PCDH11Y: variants seen among roughly 807,000 people sequenced by gnomAD.
PCDH11Y encodes protocadherin-11 Y-linked.
For missense variants in PCDH11Y, 12 were observed against 224.8 expected (o/e 0.05, Z 6.05); for synonymous variants, 9 against 83.6 (o/e 0.11, Z 4.87).
intron 1 of PCDH11Y, among the ~76,000 whole-genome samples, chrY:5,070,179 G>C (rs2052697709): frequency 3.0e-5 from 1 of 32,956 alleles, no homozygotes. Flanking sequence ...TGACTTAAAT[G>C]CCTGTATCCT....
chrY:5,737,905 G>A, exon 5 of PCDH11Y: 1 of 399,379 alleles, frequency 2.5e-6, no homozygotes, highest in South Asian at 3.0e-5. Flanking sequence ...AGACCGTCCA[G>A]AGGTGATTCC....
intron 2 of PCDH11Y, among the ~76,000 whole-genome samples, chrY:5,277,598 T>G: frequency 2.9e-5 from 1 of 34,062 alleles, no homozygotes; most frequent in African/African-American, 1.1e-4. Context: ...ATTTAATAAA[T>G]GTTCATTGAA....
intron 2 of PCDH11Y, among the ~76,000 whole-genome samples, chrY:5,423,235 C>T (rs2124679713): frequency 1.3e-4 from 4 of 31,711 alleles, no homozygotes; most frequent in African/African-American, 3.7e-4. Flanking sequence ...CACTTCTCAC[C>T]GATTCGAAAG....
At chrY:5,223,796 T>G in intron 2 of PCDH11Y, among the ~76,000 whole-genome samples, 1 of 33,054 alleles carries the variant, frequency 3.0e-5, no homozygotes, top group Non-Finnish European at 7.4e-5. Context: ...ACAGTAACAT[T>G]TCAGTTAACT....
At chrY:5,167,236 T>TA in intron 2 of PCDH11Y, among the ~76,000 whole-genome samples, 1 of 24,094 alleles carries the variant, frequency 4.2e-5, no homozygotes, top group Non-Finnish European at 9.7e-5. Flanking sequence ...ATCTTTAATC[T>TA]ATCAGTTAGT....
intron 2 of PCDH11Y, among the ~76,000 whole-genome samples, chrY:5,164,341 T>C: frequency 3.1e-5 from 1 of 32,306 alleles, no homozygotes; most frequent in African/African-American, 1.2e-4. Context: ...AAGTATATTA[T>C]TGCAATGTTT....
intron 2 of PCDH11Y, among the ~76,000 whole-genome samples, chrY:5,126,287 ATTG>A (rs2052825599): frequency 3.0e-5 from 1 of 33,520 alleles, no homozygotes; most frequent in Non-Finnish European, 7.4e-5. Flanking sequence ...TGCAAAAGTA[ATTG>A]TGGTTTTTGC....
At chrY:5,562,225 A>T in intron 3 of PCDH11Y, among the ~76,000 whole-genome samples, 1 of 33,466 alleles carries the variant, frequency 3.0e-5, no homozygotes, top group African/African-American at 1.2e-4. Flanking sequence ...AGTGTTTGAC[A>T]CCCTTCAGCT....
At chrY:5,133,241 T>C in intron 2 of PCDH11Y, among the ~76,000 whole-genome samples, 1 of 32,841 alleles carries the variant, frequency 3.0e-5, no homozygotes, top group Non-Finnish European at 7.6e-5. Flanking sequence ...TCCAGTCCAA[T>C]AAATGTTAGG....
intron 4 of PCDH11Y, among the ~76,000 whole-genome samples, chrY:5,701,338 G>C: frequency 3.0e-5 from 1 of 33,266 alleles, no homozygotes; most frequent in East Asian, 8.2e-4. Context: ...CAGACCTAAA[G>C]GCCTAGAAAA....
chrY:5,558,234 T>A, intron 3 of PCDH11Y, among the ~76,000 whole-genome samples: 1 of 31,339 alleles, frequency 3.2e-5, no homozygotes, highest in Non-Finnish European at 7.8e-5. Context: ...CTCTTTCTCC[T>A]TGATTTTTTG....
intron 2 of PCDH11Y, among the ~76,000 whole-genome samples, chrY:5,145,460 G>A (rs2052856118): frequency 3.0e-5 from 1 of 33,089 alleles, no homozygotes; most frequent in South Asian, 6.5e-4. Context: ...GTCATTTTAC[G>A]ACTCAGTGTT....
intron 2 of PCDH11Y, among the ~76,000 whole-genome samples, chrY:5,364,161 C>T: frequency 3.1e-5 from 1 of 31,973 alleles, no homozygotes; most frequent in Non-Finnish European, 7.6e-5. Flanking sequence ...CTAATCAAAA[C>T]GACAGTAGCT....
intron 2 of PCDH11Y, among the ~76,000 whole-genome samples, chrY:5,188,166 TCAG>T (rs2052908180): frequency 3.0e-5 from 1 of 33,563 alleles, no homozygotes; most frequent in Non-Finnish European, 7.4e-5. Context: ...CATACCACTA[TCAG>T]CATTTTAGTC....
At chrY:5,642,948 A>G (rs2053524102) in intron 4 of PCDH11Y, among the ~76,000 whole-genome samples, 1 of 33,439 alleles carries the variant, frequency 3.0e-5, no homozygotes, top group African/African-American at 1.2e-4. Flanking sequence ...GCAGTGAATC[A>G]GTATGCCTTT....
intron 3 of PCDH11Y, among the ~76,000 whole-genome samples, chrY:5,532,262 T>C (rs2053394206): frequency 3.5e-5 from 1 of 28,280 alleles, no homozygotes; most frequent in African/African-American, 1.4e-4. Context: ...AAATTGATCC[T>C]TTTATAATTA....
intron 4 of PCDH11Y, among the ~76,000 whole-genome samples, chrY:5,713,818 A>G (rs2124713269): frequency 1.3e-4 from 4 of 31,220 alleles, no homozygotes; most frequent in African/African-American, 5.0e-4. Context: ...ATGAATATCA[A>G]GCAGAACAGG....
At chrY:5,415,746 G>A (rs2053252369) in intron 2 of PCDH11Y, among the ~76,000 whole-genome samples, 1 of 29,989 alleles carries the variant, frequency 3.3e-5, no homozygotes, top group South Asian at 8.1e-4. Context: ...AACCTTCTGG[G>A]CTCCACATAG....
chrY:5,471,914 G>A (rs2053314304), intron 2 of PCDH11Y, among the ~76,000 whole-genome samples: 2 of 32,715 alleles, frequency 6.1e-5, no homozygotes, highest in South Asian at 1.3e-3. Flanking sequence ...ATTTTAATGC[G>A]CAAAATATTT....
Sources: gnomAD v4.1 joint callset for allele counts (sites outside exome capture counted in the v4.1 genomes callset) on GRCh38, gnomAD v4.1.1 for gene constraint, MANE v1.5 for transcripts, NCBI Gene and HGNC (gene_info 2026-07-23, HGNC 2026-07-21) for gene names.